AUTS2: variants seen among roughly 807,000 people sequenced by gnomAD.
The protein encoded by AUTS2 is activator of transcription and developmental regulator AUTS2.
In AUTS2, 17 loss-of-function variants were observed where a neutral mutation model predicts 112.4. The ratio of observed to expected loss-of-function variants is 0.15; its 90% CI spans 0.10 to 0.23. The LOEUF (loss-of-function observed/expected upper bound fraction) is 0.23. AUTS2 is among the 10% of genes least tolerant of loss of function. The pLI is 1.00. For synonymous variants in AUTS2, 751 were observed against 702.7 expected (o/e 1.07, Z -1.09); for missense variants, 1,510 against 1,701.6 (o/e 0.89, Z 1.98).
intron 5 of AUTS2, among the ~76,000 whole-genome samples, chr7:70,632,557 G>T (rs1056395684): frequency 7.2e-5 from 11 of 151,880 alleles, no homozygotes; most frequent in Non-Finnish European, 1.3e-4. Flanking sequence ...AGCCACGCAG[G>T]TTTCTGTGAA....
At chr7:70,459,005 G>A (rs1234036037) in intron 5 of AUTS2, among the ~76,000 whole-genome samples, 1 of 152,176 alleles carries the variant, frequency 6.6e-6, no homozygotes, top group Non-Finnish European at 1.5e-5. Context: ...AATGCAGACA[G>A]TCCACACATA....
intron 4 of AUTS2, among the ~76,000 whole-genome samples, chr7:70,237,716 C>G (rs1812400763): frequency 6.6e-6 from 1 of 152,108 alleles, no homozygotes; most frequent in Admixed American, 6.6e-5. Flanking sequence ...GTATTCAACC[C>G]ACTGGAGTGA....
intron 1 of AUTS2, among the ~76,000 whole-genome samples, chr7:69,874,262 G>T (rs1793630005): frequency 6.6e-6 from 1 of 152,082 alleles, no homozygotes; most frequent in African/African-American, 2.4e-5. Context: ...GACACACTTG[G>T]CATGACTGGG....
chr7:69,729,100 C>T (rs1489382177), intron 1 of AUTS2, among the ~76,000 whole-genome samples: 1 of 151,932 alleles, frequency 6.6e-6, no homozygotes, highest in Non-Finnish European at 1.5e-5. Flanking sequence ...CAATTCCAAA[C>T]CTTATTTTTT....
At chr7:69,861,378 C>T (rs1792975680) in intron 1 of AUTS2, among the ~76,000 whole-genome samples, 1 of 152,180 alleles carries the variant, frequency 6.6e-6, no homozygotes, top group African/African-American at 2.4e-5. Flanking sequence ...GTGCTCCCGT[C>T]TCTTGCCTGT....
At chr7:69,649,307 T>C (rs1412677738) in intron 1 of AUTS2, among the ~76,000 whole-genome samples, 2 of 152,212 alleles carry the variant, frequency 1.3e-5, no homozygotes, top group African/African-American at 4.8e-5. Context: ...TCCAGCAAAC[T>C]GCATTGGCTT....
At chr7:69,867,192 A>G (rs1279267014) in intron 1 of AUTS2, among the ~76,000 whole-genome samples, 1 of 142,022 alleles carries the variant, frequency 7.0e-6, no homozygotes, top group Non-Finnish European at 1.6e-5. Flanking sequence ...TCTGCTATTA[A>G]AGGGGAATTC....
At chr7:69,600,071 T>C in intron 1 of AUTS2, 109 bp downstream of exon 1, 1 of 1,183,618 alleles carries the variant, frequency 8.4e-7, no homozygotes, top group Non-Finnish European at 1.2e-6. Flanking sequence ...TCTGTCTGTC[T>C]GTCTGTCTGT....
intron 1 of AUTS2, among the ~76,000 whole-genome samples, chr7:69,735,210 T>C (rs1245250406): frequency 6.6e-6 from 1 of 152,228 alleles, no homozygotes; most frequent in Admixed American, 6.5e-5. Flanking sequence ...TATTACATAG[T>C]TTTTGGATTG....
intron 5 of AUTS2, among the ~76,000 whole-genome samples, chr7:70,669,337 A>G (rs1259289454): frequency 6.6e-6 from 1 of 152,184 alleles, no homozygotes; most frequent in Non-Finnish European, 1.5e-5. Flanking sequence ...CCTGATTTTA[A>G]TTACATCCCT....
rs531114496 is a variant in AUTS2 at position 70,520,617 on chromosome 7, T to A, written c.690+84836T>A. ...TTCCAGCCAATAAAAAATACCCTTT[T>A]AAAAATTTCCTTCGCAGTACTTTCT... On this transcript the variant is annotated intron_variant, in intron 5 of 18. Transcript: ENST00000342771. Among the ~76,000 whole-genome samples the A allele has an allele frequency of 1.8e-3, 271 of 152,326 alleles. 1 individual carries two copies. The highest frequency in any genetic ancestry group is 6.1e-3 in the African/African-American group (254 of 41,574).
chr7:69,618,925 C>T (rs1359039410), intron 1 of AUTS2, among the ~76,000 whole-genome samples: 2 of 152,054 alleles, frequency 1.3e-5, no homozygotes, highest in African/African-American at 4.8e-5. Context: ...TTAAAAAAGT[C>T]CTTGTACCTC....
intron 1 of AUTS2, among the ~76,000 whole-genome samples, chr7:69,873,281 T>C (rs1793584865): frequency 6.6e-6 from 1 of 152,140 alleles, no homozygotes; most frequent in Non-Finnish European, 1.5e-5. Flanking sequence ...TAGGTTGCTG[T>C]GGTAGCTCTG....
chr7:70,314,582 T>G (rs1258832796), intron 4 of AUTS2, among the ~76,000 whole-genome samples: 3 of 152,234 alleles, frequency 2.0e-5, no homozygotes, highest in Non-Finnish European at 4.4e-5. Flanking sequence ...TTGACAGTCC[T>G]CAAATTTGTT....
At chr7:70,252,210 G>A (rs1310354016) in intron 4 of AUTS2, among the ~76,000 whole-genome samples, 2 of 152,058 alleles carry the variant, frequency 1.3e-5, no homozygotes, top group Non-Finnish European at 2.9e-5. Flanking sequence ...CTTTCATACT[G>A]TTTTCCTTCA....
chr7:70,602,849 G>T (rs1030363538), intron 5 of AUTS2, among the ~76,000 whole-genome samples: 2 of 152,204 alleles, frequency 1.3e-5, no homozygotes, highest in Admixed American at 6.5e-5. Context: ...GAGTTCTCTA[G>T]CGTATACCCT....
chr7:70,030,306 G>A (rs1197003891), intron 2 of AUTS2, among the ~76,000 whole-genome samples: 2 of 152,156 alleles, frequency 1.3e-5, no homozygotes, highest in Non-Finnish European at 2.9e-5. Context: ...CTACTCTTCT[G>A]TTGTTCTTCT....
At chr7:69,677,066 G>A (rs1426481115) in intron 1 of AUTS2, among the ~76,000 whole-genome samples, 1 of 152,080 alleles carries the variant, frequency 6.6e-6, no homozygotes, top group African/African-American at 2.4e-5. Context: ...AATCTATTTG[G>A]ATGTCTTGTT....
rs980936115 is a variant in AUTS2 at position 69,604,227 on chromosome 7, G to T, written c.309+4265G>T. Among the ~76,000 whole-genome samples, 5 of 152,164 alleles carry T rather than the reference G, an allele frequency of 3.3e-5. No individual in the cohort carries two copies. In the East Asian group the frequency reaches 5.8e-4, roughly 18 times the overall value. On this transcript the variant is annotated intron_variant, in intron 1 of 18. Coordinates refer to ENST00000342771, the MANE Select transcript of AUTS2 (RefSeq NM_015570.4). ...ATCAGTAGCATAAGTGGGCTATACAGAATTTGGTGTACTTATAACATGCCA... is the reference window on the plus strand; with the variant it reads ...ATCAGTAGCATAAGTGGGCTATACATAATTTGGTGTACTTATAACATGCCA...
Sources: allele counts gnomAD v4.1 joint callset (sites outside exome capture counted in the v4.1 genomes callset), GRCh38; gene constraint gnomAD v4.1.1; transcripts MANE v1.5; gene names NCBI Gene and HGNC (gene_info 2026-07-23, HGNC 2026-07-21).